DGKE: variants seen among roughly 807,000 people sequenced by gnomAD.
The protein encoded by DGKE is DAG kinase epsilon.
In DGKE, 53 loss-of-function variants were observed where a neutral mutation model predicts 70.0. That is an observed-to-expected ratio of 0.76 (90% CI 0.61 to 0.95). The LOEUF is 0.95. Among genes scored for constraint, DGKE ranks in the 40% least tolerant of loss-of-function variants. The pLI is 0.00. For synonymous variants in DGKE, 291 were observed against 257.0 expected (o/e 1.13, Z -1.27); for missense variants, 655 against 706.9 (o/e 0.93, Z 0.83).
intron 9 of DGKE, among the ~76,000 whole-genome samples, chr17:56,859,981 C>T (rs1479368543): frequency 6.6e-6 from 1 of 152,144 alleles, no homozygotes; most frequent in Non-Finnish European, 1.5e-5. Flanking sequence ...GCAAGATTTT[C>T]TGTTAAAAAG....
chr17:56,859,484 ATC>A (rs1456038695), intron 9 of DGKE, among the ~76,000 whole-genome samples: 1 of 148,754 alleles, frequency 6.7e-6, no homozygotes, highest in Non-Finnish European at 1.5e-5. Flanking sequence ...CAGTGGTGCG[ATC>A]TCCGCTCACT....
rs1434516963 is a variant in DGKE, at chr17:56,868,453, TG to T, written c.*5663del. The T allele has an allele frequency of 2.0e-5, 3 of 152,234 alleles. No homozygotes were observed. Among genetic ancestry groups the T allele is most frequent in the African/African-American group, 7.2e-5 (3 of 41,460 alleles). The allele number at this position is 152,234 out of a possible 1,614,324, so 9.4% of individuals were successfully genotyped here. A position where few individuals can be genotyped will look rare whatever the true frequency, so the allele number is the denominator to read the frequency against. On this transcript the variant is annotated 3_prime_UTR_variant, in exon 12 of 12. Coordinates refer to ENST00000284061, the MANE Select transcript of DGKE (RefSeq NM_003647.3). ...TTGCACTGGATCCCTAAACCCACAATGTTGAGGACACATGTGATGACTCCAC... is the reference window on the plus strand; with the variant it reads ...TTGCACTGGATCCCTAAACCCACAATTTGAGGACACATGTGATGACTCCAC...
At chr17:56,836,942 G>A (rs1906659791) in intron 2 of DGKE, among the ~76,000 whole-genome samples, 1 of 152,144 alleles carries the variant, frequency 6.6e-6, no homozygotes, top group Non-Finnish European at 1.5e-5. Context: ...CCCATCCCAT[G>A]TCCTTGTCCT....
intron 9 of DGKE, among the ~76,000 whole-genome samples, chr17:56,859,042 G>A (rs1322442860): frequency 6.6e-6 from 1 of 151,864 alleles, no homozygotes; most frequent in Non-Finnish European, 1.5e-5. Context: ...ATAATTTACA[G>A]TTATCTAATA....
intron 3 of DGKE, among the ~76,000 whole-genome samples, chr17:56,845,084 C>CT (rs773483853): frequency 3.4e-4 from 51 of 152,136 alleles, no homozygotes; most frequent in African/African-American, 1.2e-3. Flanking sequence ...AGAAGAATCT[C>CT]TAAGTAAAAC....
intron 3 of DGKE, among the ~76,000 whole-genome samples, chr17:56,844,681 A>G (rs1348488945): frequency 1.3e-5 from 2 of 152,114 alleles, no homozygotes; most frequent in Non-Finnish European, 2.9e-5. Context: ...TTCTATTTTG[A>G]ACTTTATACA....
At chr17:56,839,389 A>G (rs1408728953) in intron 2 of DGKE, among the ~76,000 whole-genome samples, 1 of 152,236 alleles carries the variant, frequency 6.6e-6, no homozygotes, top group Non-Finnish European at 1.5e-5. Context: ...GTAATGTCTT[A>G]TCTTCCCAGT....
rs920978188 is a variant in DGKE at position 56,834,519 on chromosome 17, G to GGCA, written c.-18-250_-18-248dup. Among the ~76,000 whole-genome samples, 6 of 152,348 alleles carry GGCA rather than the reference G, an allele frequency of 3.9e-5. No individual in the cohort carries two copies. In the South Asian group the frequency reaches 6.2e-4, roughly 16 times the overall value. Reference sequence around the variant, plus strand: ...ACCGGCGGCAAGGTGAGGCGGCGGCGGCAGCAGCAGCCGCCTTGGGCTCCT... The same window carrying GGCA: ...ACCGGCGGCAAGGTGAGGCGGCGGCGGCAGCAGCAGCAGCCGCCTTGGGCTCCT... On this transcript the variant is annotated intron_variant, in intron 1 of 11. Coordinates refer to ENST00000284061, the MANE Select transcript of DGKE (RefSeq NM_003647.3).
rs142152172 is a variant in DGKE at position 56,862,384 on chromosome 17, C to T, written c.1524+133C>T. The T allele has an allele frequency of 3.7e-5, 34 of 918,670 alleles. 1 individual carries two copies. In the African/African-American group the frequency reaches 4.5e-4, roughly 12 times the overall value. 56.9% of individuals were successfully genotyped at this position (918,670 alleles called of 1,614,324 possible). On this transcript the variant is annotated intron_variant, in intron 11 of 11. Transcript: ENST00000284061. ...CATGCAGCTGGTCACTGTACACTAG[C>T]GGCTAGAGTGGGATGAGGAAGAAAC...
chr17:56,849,338 C>G lies in DGKE; in HGVS notation c.1098+106C>G, dbSNP rs971100243. The G allele has an allele frequency of 1.7e-5, 17 of 1,015,064 alleles. No homozygotes were observed. In the South Asian group the frequency reaches 2.6e-4, roughly 15 times the overall value. The allele number at this position is 1,015,064 out of a possible 1,614,324, so 62.9% of individuals were successfully genotyped here. ...CTGGTGCTTATCTCAAGGGAGCTGG[C>G]TGTGGAGCAGAACAGAAGCTTATAT... On this transcript the variant is annotated intron_variant, in intron 7 of 11. Coordinates refer to ENST00000284061, the MANE Select transcript of DGKE (RefSeq NM_003647.3).
At chr17:56,848,904 G>C (rs770549396) in intron 6 of DGKE, 51 bp downstream of exon 6, 31 of 1,610,382 alleles carry the variant, frequency 1.9e-5, no homozygotes, top group Non-Finnish European at 2.5e-5. Flanking sequence ...AGCCATAATT[G>C]GTTAACAAGT....
Position 56,868,905 on chromosome 17 carries a change from T to C in DGKE, c.*6114T>C, listed in dbSNP as rs1404076045. 1 of 152,232 alleles carries C rather than the reference T, an allele frequency of 6.6e-6. No individual in the cohort carries two copies. Among genetic ancestry groups the C allele is most frequent in the Admixed American group, 6.5e-5 (1 of 15,284 alleles). The allele number at this position is 152,232 out of a possible 1,614,324, so 9.4% of individuals were successfully genotyped here. ...GGAGAAACATTCATTCTCACGCATA[T>C]AAACTGGCTCCTGGCAGAGTAGAGC... is the stretch of plus-strand genomic sequence containing the variant. On this transcript the variant is annotated 3_prime_UTR_variant, in exon 12 of 12. Coordinates refer to ENST00000284061, the MANE Select transcript of DGKE (RefSeq NM_003647.3).
intron 2 of DGKE, among the ~76,000 whole-genome samples, chr17:56,842,738 C>G (rs1907062052): frequency 6.6e-6 from 1 of 152,146 alleles, no homozygotes; most frequent in Non-Finnish European, 1.5e-5. Flanking sequence ...AATGTTTATC[C>G]TCTTTTCTTT....
rs1415890541 is a variant in DGKE at position 56,869,138 on chromosome 17, A to G, written c.*6347A>G. On this transcript the variant is annotated 3_prime_UTR_variant, in exon 12 of 12. Transcript: ENST00000284061. ...TGCAAGTGCTTACAGGAGCTGGGCAAGCAACGAAGGTAAGAGTTGTAGAGA... is the reference window on the plus strand; with the variant it reads ...TGCAAGTGCTTACAGGAGCTGGGCAGGCAACGAAGGTAAGAGTTGTAGAGA... The G allele has an allele frequency of 6.6e-6, 1 of 152,350 alleles. No individual in the cohort carries two copies. Among genetic ancestry groups the G allele is most frequent in the East Asian group, 1.9e-4 (1 of 5,188 alleles). The allele number at this position is 152,350 out of a possible 1,614,324, so 9.4% of individuals were successfully genotyped here.
At chr17:56,841,266 A>AT (rs1555597962) in intron 2 of DGKE, among the ~76,000 whole-genome samples, 2 of 150,712 alleles carry the variant, frequency 1.3e-5, no homozygotes, top group Admixed American at 6.6e-5. Context: ...AAAAAAAAAA[A>AT]TTTTTTTTAA....
chr17:56,861,760 G>A (rs764713780), intron 9 of DGKE, 31 bp from the exon 10 acceptor site: 1 of 1,608,328 alleles, frequency 6.2e-7, no homozygotes. Context: ...TGTGTATCCT[G>A]TAGTCACTAT....
At chr17:56,859,923 GC>G (rs1908192601) in intron 9 of DGKE, among the ~76,000 whole-genome samples, 1 of 152,218 alleles carries the variant, frequency 6.6e-6, no homozygotes, top group Non-Finnish European at 1.5e-5. Flanking sequence ...TTGCCGTTAG[GC>G]GTAATGTTTA....
intron 2 of DGKE, among the ~76,000 whole-genome samples, chr17:56,839,725 T>C (rs142090544): frequency 1.8e-3 from 271 of 152,162 alleles, no homozygotes; most frequent in African/African-American, 6.3e-3. Context: ...ATCACCATAT[T>C]GCCCAGGCTG....
At chr17:56,842,192 G>T (rs936901942) in intron 2 of DGKE, among the ~76,000 whole-genome samples, 3 of 152,096 alleles carry the variant, frequency 2.0e-5, no homozygotes, top group Non-Finnish European at 2.9e-5. Flanking sequence ...AAAAAGTTAA[G>T]AGTGACTCTC....
Sources: gnomAD v4.1 joint callset for allele counts (sites outside exome capture counted in the v4.1 genomes callset) on GRCh38, gnomAD v4.1.1 for gene constraint, MANE v1.5 for transcripts, NCBI Gene and HGNC (gene_info 2026-07-23, HGNC 2026-07-21) for gene names.